The following JAZF1 variants were observed in gnomAD, a reference collection of about 807,000 sequenced individuals.
The protein encoded by JAZF1 is juxtaposed with another zinc finger protein 1.
Under a neutral mutation model 26.4 loss-of-function variants are expected in JAZF1, and 8 were observed. The observed-to-expected ratio is 0.30, with a 90% CI of 0.18 to 0.55. JAZF1 has a LOEUF of 0.55. JAZF1 is among the 20% of genes least tolerant of loss of function. JAZF1 has a pLI of 0.94. For synonymous variants in JAZF1, 126 were observed against 122.3 expected, an observed-to-expected ratio of 1.03 and a Z score of -0.20; for missense variants, 199 against 322.0, an observed-to-expected ratio of 0.62 and a Z score of 2.92.
In JAZF1 at chr7:27,927,390, T is replaced by A. The variant is rs1731922060; in HGVS notation, c.189-31974A>T. 6.6e-5 allele frequency among the ~76,000 whole-genome samples: 10 copies of A among 152,346 alleles called. No individual in the cohort carries two copies. The South Asian group carries it at 2.1e-3, about 32-fold the overall frequency. ...CGAAACCTTTCTGCTGTGATTTGAA[T>A]CCCAGCTTGATCATCTACTCTCTGT... is the stretch of plus-strand genomic sequence containing the variant. On this transcript the variant is annotated intron_variant, in intron 2 of 4. Transcript: ENST00000283928.
chr7:28,086,127 A>T (rs759079501), intron 1 of JAZF1, among the ~76,000 whole-genome samples: 2 of 152,202 alleles, frequency 1.3e-5, no homozygotes, highest in Non-Finnish European at 2.9e-5. Flanking sequence ...CCCTATATAA[A>T]ACAATCTGAA....
intron 1 of JAZF1, among the ~76,000 whole-genome samples, chr7:28,009,962 G>C (rs147419238): frequency 6.6e-6 from 1 of 152,172 alleles, no homozygotes. Flanking sequence ...CATGATAAGA[G>C]ATTTAGGTAA....
chr7:28,132,988 G>A (rs1472865270), intron 1 of JAZF1, among the ~76,000 whole-genome samples: 3 of 152,174 alleles, frequency 2.0e-5, no homozygotes, highest in Non-Finnish European at 2.9e-5. Flanking sequence ...GGAAGAAGCC[G>A]TAAAAGCAGA....
At chr7:27,980,449 G>C (rs528548109) in intron 2 of JAZF1, among the ~76,000 whole-genome samples, 1 of 151,846 alleles carries the variant, frequency 6.6e-6, no homozygotes, top group Non-Finnish European at 1.5e-5. Flanking sequence ...ATTTTAAATA[G>C]GTATATAAAG....
At chr7:28,045,424 T>C (rs1562568601) in intron 1 of JAZF1, among the ~76,000 whole-genome samples, 1 of 152,186 alleles carries the variant, frequency 6.6e-6, no homozygotes, top group Non-Finnish European at 1.5e-5. Flanking sequence ...TCTCCACCAC[T>C]ATGCTTATTT....
intron 2 of JAZF1, among the ~76,000 whole-genome samples, chr7:27,930,828 T>TG (rs1349630476): frequency 7.1e-6 from 1 of 140,902 alleles, no homozygotes; most frequent in Non-Finnish European, 1.6e-5. Flanking sequence ...GACAGCCATT[T>TG]TTTTTAAAAA....
At chr7:28,106,669 G>C (rs1378006097) in intron 1 of JAZF1, among the ~76,000 whole-genome samples, 1 of 152,154 alleles carries the variant, frequency 6.6e-6, no homozygotes, top group South Asian at 2.1e-4. Context: ...GCTATGTTAG[G>C]ATAGCAATAT....
chr7:27,832,386 CAT>C lies in JAZF1; in HGVS notation c.*412_*413del, dbSNP rs1424409971. On this transcript the variant is annotated 3_prime_UTR_variant, in exon 5 of 5. Coordinates refer to ENST00000283928, the MANE Select transcript of JAZF1 (RefSeq NM_175061.4). ...ATGAAGGTATTATTTTGGTTTTGAA[CAT>C]ATGTGAGTTGATGTGTTGAAAACTT... is the stretch of plus-strand genomic sequence containing the variant. 4.4e-6 allele frequency: 1 copy of C among 224,790 alleles called. No individual in the cohort carries two copies. The highest frequency in any genetic ancestry group is 2.2e-5 in the African/African-American group (1 of 44,858). 13.9% of individuals were successfully genotyped at this position (224,790 alleles called of 1,614,324 possible). A position where few individuals can be genotyped will look rare whatever the true frequency, so the allele number is the denominator to read the frequency against.
intron 1 of JAZF1, among the ~76,000 whole-genome samples, chr7:28,151,143 G>A (rs900335492): frequency 6.7e-6 from 1 of 150,236 alleles, no homozygotes; most frequent in African/African-American, 2.5e-5. Context: ...TCACTCTGTT[G>A]CCCAGGCTGG....
chr7:28,051,316 T>G (rs1226963169), intron 1 of JAZF1, among the ~76,000 whole-genome samples: 1 of 151,732 alleles, frequency 6.6e-6, no homozygotes, highest in Non-Finnish European at 1.5e-5. Flanking sequence ...CTCCACCTCC[T>G]GGGTTCACAT....
chr7:27,856,059 T>A (rs901114641), intron 3 of JAZF1, among the ~76,000 whole-genome samples: 1 of 152,294 alleles, frequency 6.6e-6, no homozygotes, highest in Non-Finnish European at 1.5e-5. Flanking sequence ...GTGTCCGGAA[T>A]TGGTGGGTTC....
intron 1 of JAZF1, among the ~76,000 whole-genome samples, chr7:28,142,002 A>G (rs1381612211): frequency 6.6e-6 from 1 of 152,210 alleles, no homozygotes; most frequent in Non-Finnish European, 1.5e-5. Context: ...AGAGCAAAAT[A>G]TGTGGCGGTC....
At chr7:28,146,308 T>C (rs1341966704) in intron 1 of JAZF1, among the ~76,000 whole-genome samples, 3 of 152,232 alleles carry the variant, frequency 2.0e-5, no homozygotes, top group East Asian at 3.9e-4. Context: ...CGTTTCCCCA[T>C]TGATCGATTG....
At chr7:28,030,746 AAAACTT>A (rs1160403031) in intron 1 of JAZF1, among the ~76,000 whole-genome samples, 8 of 152,208 alleles carry the variant, frequency 5.3e-5, no homozygotes, top group African/African-American at 1.9e-4. Context: ...GTGTTGGTTT[AAAACTT>A]AAACTTTAAT....
chr7:27,875,345 C>A (rs1172447602), intron 3 of JAZF1, among the ~76,000 whole-genome samples: 1 of 152,156 alleles, frequency 6.6e-6, no homozygotes, highest in Non-Finnish European at 1.5e-5. Context: ...GAATAGAGTC[C>A]CTCTTTTAGC....
At position 28,038,249 on chromosome 7, in the gene JAZF1, A is replaced by T. The variant is rs138642451; in HGVS notation, c.116-46268T>A. ...TAGAGTAATTCAGGTGAAAGAAAAC[A>T]TACAGCCTATAAACTTTGGGATGGG... On this transcript the variant is annotated intron_variant, in intron 1 of 4. Transcript: ENST00000283928. Among the ~76,000 whole-genome samples, 345 of 152,322 alleles carry T rather than the reference A, an allele frequency of 2.3e-3. 10 individuals are homozygous for T. The East Asian group carries it at 0.052, about 23-fold the overall frequency.
intron 1 of JAZF1, among the ~76,000 whole-genome samples, chr7:28,068,819 A>G (rs1490299203): frequency 6.6e-6 from 1 of 152,208 alleles, no homozygotes; most frequent in Non-Finnish European, 1.5e-5. Flanking sequence ...GGTATTAACA[A>G]TTGCCCATAC....
intron 1 of JAZF1, among the ~76,000 whole-genome samples, chr7:28,177,456 G>A (rs151118328): frequency 2.6e-5 from 4 of 152,106 alleles, no homozygotes; most frequent in African/African-American, 9.6e-5. Flanking sequence ...AAAAACACAG[G>A]CCTTGAAAAA....
At chr7:27,860,713 G>C (rs1198516700) in intron 3 of JAZF1, among the ~76,000 whole-genome samples, 2 of 152,176 alleles carry the variant, frequency 1.3e-5, no homozygotes, top group Non-Finnish European at 2.9e-5. Flanking sequence ...GGGTGCAAGG[G>C]TTCCCAGCTG....
Sources: allele counts gnomAD v4.1 joint callset (sites outside exome capture counted in the v4.1 genomes callset), GRCh38; gene constraint gnomAD v4.1.1; transcripts MANE v1.5; gene names NCBI Gene and HGNC (gene_info 2026-07-23, HGNC 2026-07-21).